THBS4: variants seen among roughly 807,000 people sequenced by gnomAD.
THBS4 encodes the protein thrombospondin 4.
A neutral mutation model predicts 115.7 loss-of-function variants in THBS4; 90 were observed. The observed-to-expected ratio is 0.78, with a 90% CI of 0.66 to 0.93. The LOEUF is 0.93. THBS4 is among the 40% of genes least tolerant of loss of function. The pLI, the probability that THBS4 is intolerant of heterozygous loss-of-function variation, is 0.00. For synonymous variants in THBS4, 460 were observed against 479.3 expected (o/e 0.96, Z 0.53); for missense variants, 1,087 against 1,232.7 (o/e 0.88, Z 1.77).
At chr5:80,021,333 A>G (rs1003677328) in intron 2 of THBS4, among the ~76,000 whole-genome samples, 3 of 152,216 alleles carry the variant, frequency 2.0e-5, no homozygotes, top group Non-Finnish European at 4.4e-5. Context: ...TCAGACATAA[A>G]AGAGATTTGC....
Position 80,061,834 on chromosome 5 carries a change from T to C in THBS4, c.1125+2T>C. On this transcript the variant is annotated splice_donor_variant, in intron 8 of 21. Transcript: ENST00000350881. LOFTEE classifies it high-confidence loss of function. ...AGTTTTGCCAAGTCAAACAAGCAGG[T>C]AGGCTGAAGTCATGGTTTCTATTCA... The C allele has an allele frequency of 6.2e-7, 1 of 1,604,814 alleles. No individual in the cohort carries two copies. Among genetic ancestry groups the C allele is most frequent in the Non-Finnish European group, 8.5e-7 (1 of 1,175,250 alleles).
At chr5:80,008,528 A>G (rs920021511) in intron 2 of THBS4, among the ~76,000 whole-genome samples, 4 of 152,164 alleles carry the variant, frequency 2.6e-5, no homozygotes, top group African/African-American at 9.7e-5. Context: ...TATGGCAACT[A>G]TAATCTAAAG....
At chr5:80,055,004 T>C (rs138294428) in intron 2 of THBS4, among the ~76,000 whole-genome samples, 1 of 152,222 alleles carries the variant, frequency 6.6e-6, no homozygotes, top group African/African-American at 2.4e-5. Context: ...TTATTCCAAT[T>C]GCATTTGGTT....
At chr5:80,062,730 T>C (rs994345568) in intron 8 of THBS4, among the ~76,000 whole-genome samples, 5 of 152,092 alleles carry the variant, frequency 3.3e-5, no homozygotes, top group African/African-American at 1.2e-4. Context: ...TTCCCCACCC[T>C]GTGTCCAAGT....
chr5:80,006,188 A>T (rs1175141064), intron 2 of THBS4, among the ~76,000 whole-genome samples: 1 of 152,220 alleles, frequency 6.6e-6, no homozygotes, highest in Non-Finnish European at 1.5e-5. Context: ...TCCTTCCTCC[A>T]GGTTGGTCAG....
chr5:80,044,416 A>T (rs888053981), intron 2 of THBS4, among the ~76,000 whole-genome samples: 2 of 88,210 alleles, frequency 2.3e-5, no homozygotes, highest in Admixed American at 1.2e-4. Context: ...GTAGGTAATA[A>T]AAAAAAAATT....
chr5:80,042,054 G>C (rs17879921), intron 2 of THBS4, among the ~76,000 whole-genome samples: 1 of 152,120 alleles, frequency 6.6e-6, no homozygotes, highest in East Asian at 1.9e-4. Context: ...CTGCTTCCAC[G>C]CTACTCCCAA....
At position 80,059,703 on chromosome 5, in the gene THBS4, G is replaced by A; in HGVS notation, c.785G>A (p.Gly262Asp). Residue 262 changes from glycine to aspartate, a missense_variant and splice_region_variant, in exon 7 of 22, where the codon GGT becomes GAT. Gly to Asp is a moderately conservative substitution (Grantham distance 94, BLOSUM62 -1). Transcript: ENST00000350881. Reference sequence around the variant, plus strand: ...CCTGTGGATGATTGTTTTTCTCTAGGTCCTCTCAAGTTTCAGTCTCCGACC... The same window carrying A: ...CCTGTGGATGATTGTTTTTCTCTAGATCCTCTCAAGTTTCAGTCTCCGACC... ...RNTIAECQAC[G>D]PLKFQSPTPS... 1 of 1,613,908 alleles carries A rather than the reference G, an allele frequency of 6.2e-7. No homozygotes were observed. The highest frequency in any genetic ancestry group is 8.5e-7 in the Non-Finnish European group (1 of 1,179,856).
At chr5:79,995,186 G>A (rs1482474716) in intron 1 of THBS4, among the ~76,000 whole-genome samples, 2 of 152,210 alleles carry the variant, frequency 1.3e-5, no homozygotes, top group Non-Finnish European at 2.9e-5. Context: ...GTAAAGACAA[G>A]TAAAAGTCCA....
At chr5:80,070,456 C>T in intron 11 of THBS4, 46 bp downstream of exon 11, 1 of 1,548,898 alleles carries the variant, frequency 6.5e-7, no homozygotes, top group Non-Finnish European at 8.9e-7. Context: ...CTGTGGCTTT[C>T]CAAAGTCACA....
intron 12 of THBS4, 57 bp from the exon 13 acceptor site, chr5:80,070,964 A>G (rs1580979380): frequency 6.2e-6 from 10 of 1,603,200 alleles, no homozygotes; most frequent in Non-Finnish European, 8.5e-6. Flanking sequence ...CTTCACAACA[A>G]TGGAGGAAGT....
intron 20 of THBS4, 75 bp from the exon 21 acceptor site, chr5:80,082,331 G>GC (rs1367486979): frequency 1.9e-6 from 3 of 1,577,696 alleles, no homozygotes; most frequent in Non-Finnish European, 2.6e-6. Flanking sequence ...AAGAAGTGGG[G>GC]CCCCTGGGCC....
intron 2 of THBS4, among the ~76,000 whole-genome samples, chr5:80,008,043 G>C (rs570424136): frequency 6.6e-6 from 1 of 152,224 alleles, no homozygotes; most frequent in East Asian, 1.9e-4. Context: ...CAGCATAAAA[G>C]CATTAAAAAG....
At position 80,080,079 on chromosome 5, in the gene THBS4, T is replaced by C; in HGVS notation, c.2684+2T>C. 6.2e-7 allele frequency: 1 copy of C among 1,613,116 alleles called. No individual in the cohort carries two copies. Among genetic ancestry groups the C allele is most frequent in the Non-Finnish European group, 8.5e-7 (1 of 1,179,552 alleles). ...CAGGCCCCAGGTGGGCTACATCAGG[T>C]AGGTAGAGGCCCCATCTCCTTACCT... On this transcript the variant is annotated splice_donor_variant, in intron 20 of 21. Coordinates refer to ENST00000350881, the MANE Select transcript of THBS4 (RefSeq NM_003248.6). LOFTEE classifies it high-confidence loss of function.
chr5:80,040,611 G>A (rs1409566892), intron 2 of THBS4, among the ~76,000 whole-genome samples: 3 of 152,196 alleles, frequency 2.0e-5, no homozygotes, highest in Non-Finnish European at 4.4e-5. Context: ...GGCAGCTCAG[G>A]CTGCTATAAC....
At chr5:80,014,489 T>C (rs1027824282) in intron 2 of THBS4, among the ~76,000 whole-genome samples, 2 of 152,154 alleles carry the variant, frequency 1.3e-5, no homozygotes, top group East Asian at 1.9e-4. Flanking sequence ...ATTCTCAGAC[T>C]GATTGAGATG....
At chr5:80,080,163 ATTC>A in intron 20 of THBS4, 86 bp downstream of exon 20, 1 of 1,451,950 alleles carries the variant, frequency 6.9e-7, no homozygotes, top group Non-Finnish European at 9.3e-7. Context: ...TCCCTGAGCA[ATTC>A]TGACCTAGGA....
intron 1 of THBS4, among the ~76,000 whole-genome samples, chr5:79,993,532 A>C (rs1831730872): frequency 6.6e-6 from 1 of 152,240 alleles, no homozygotes; most frequent in African/African-American, 2.4e-5. Flanking sequence ...TACTGTCTGC[A>C]AAACATCCAT....
Position 80,047,633 on chromosome 5 carries a change from A to AT in THBS4, c.292+7371dup, listed in dbSNP as rs1554051282. Among the ~76,000 whole-genome samples, 264 of 102,440 alleles carry AT rather than the reference A, an allele frequency of 2.6e-3. 1 individual carries two copies. Among genetic ancestry groups the AT allele is most frequent in the Non-Finnish European group, 2.3e-3 (103 of 44,884 alleles). 67.2% of individuals were successfully genotyped at this position (102,440 alleles called of 152,430 possible). A position where few individuals can be genotyped will look rare whatever the true frequency, so the allele number is the denominator to read the frequency against. ...GACCAGTCTGGGTAAAAAATTAAGAATTTTTTTTTTTTTTTTTTGAGACAG... is the reference window on the plus strand; with the variant it reads ...GACCAGTCTGGGTAAAAAATTAAGAATTTTTTTTTTTTTTTTTTTGAGACAG... On this transcript the variant is annotated intron_variant, in intron 2 of 21. Transcript: ENST00000350881.
Sources: gnomAD v4.1 joint callset for allele counts (sites outside exome capture counted in the v4.1 genomes callset) on GRCh38, gnomAD v4.1.1 for gene constraint, MANE v1.5 for transcripts, NCBI Gene and HGNC (gene_info 2026-07-23, HGNC 2026-07-21) for gene names.